Variants in SEM1 observed in about 807,000 individuals in gnomAD.
SEM1 encodes the protein 26S proteasome complex subunit SEM1.
A neutral mutation model predicts 12.7 loss-of-function variants in SEM1; 3 were observed. The observed-to-expected ratio is 0.24, with a 90% CI of 0.11 to 0.61. SEM1 has a LOEUF of 0.61. Ranked by LOEUF, SEM1 falls within the 20% of genes least tolerant of loss-of-function variation. SEM1 has a pLI of 0.88. For synonymous variants in SEM1, 30 were observed against 27.8 expected (o/e 1.08, Z -0.25); for missense variants, 59 against 81.3 (o/e 0.73, Z 1.06).
intron 2 of SEM1, among the ~76,000 whole-genome samples, chr7:96,599,454 C>T (rs1279752344): frequency 6.6e-6 from 1 of 152,190 alleles, no homozygotes; most frequent in Non-Finnish European, 1.5e-5. Context: ...TGTCCATCTG[C>T]TTATCGGCTA....
chr7:96,625,948 A>G (rs1004771056), intron 2 of SEM1, among the ~76,000 whole-genome samples: 1 of 152,174 alleles, frequency 6.6e-6, no homozygotes, highest in East Asian at 1.9e-4. Context: ...TAGGCATAAA[A>G]TGTGTAATAA....
intron 3 of SEM1, among the ~76,000 whole-genome samples, chr7:96,501,655 C>T (rs1208071524): frequency 2.6e-5 from 4 of 152,108 alleles, no homozygotes; most frequent in African/African-American, 7.2e-5. Context: ...TACATAATAG[C>T]TCAGTAAACA....
chr7:96,525,577 T>C (rs1209303662), intron 2 of SEM1, among the ~76,000 whole-genome samples: 1 of 152,140 alleles, frequency 6.6e-6, no homozygotes, highest in Non-Finnish European at 1.5e-5. Context: ...TGATGGCCTC[T>C]TCTCACCTCT....
At chr7:96,671,134 T>A (rs763184036), downstream of SEM1, among the ~76,000 whole-genome samples, 78 of 152,308 alleles carry the variant, frequency 5.1e-4, no homozygotes, top group Non-Finnish European at 1.0e-3. Context: ...GAACACAATG[T>A]CCACAGCTAT....
intron 2 of SEM1, among the ~76,000 whole-genome samples, chr7:96,576,384 A>G (rs915638183): frequency 1.3e-5 from 2 of 152,054 alleles, no homozygotes. Flanking sequence ...TTTATGTTTT[A>G]TTACATTGTC....
chr7:96,673,820 C>G (rs1049120001), exon 3 of SEM1: 3 of 765,190 alleles, frequency 3.9e-6, no homozygotes, highest in Middle Eastern at 2.3e-4. Context: ...AGCAGCCATA[C>G]GGGGTTTCAC....
intron 2 of SEM1, among the ~76,000 whole-genome samples, chr7:96,593,199 T>C (rs1397525883): frequency 1.3e-5 from 2 of 152,130 alleles, no homozygotes; most frequent in African/African-American, 4.8e-5. Flanking sequence ...AGTAAGGTTA[T>C]GTAAAAGAGT....
At chr7:96,620,159 G>A (rs888386113), downstream of SEM1, among the ~76,000 whole-genome samples, 5 of 151,988 alleles carry the variant, frequency 3.3e-5, no homozygotes, top group African/African-American at 1.2e-4. Context: ...CATTAGACTC[G>A]AAATGGTGCT....
intron 1 of SEM1, chr7:96,697,367 CAT>C (rs1403275908): frequency 6.6e-6 from 1 of 152,048 alleles, no homozygotes; most frequent in Non-Finnish European, 1.5e-5. Context: ...AGATCTAAGA[CAT>C]ACTTCACCTA....
At chr7:96,509,153 A>ATTTTTTTTTTTTTTTTTTT (rs71127457) in intron 2 of SEM1, among the ~76,000 whole-genome samples, 1 of 120,852 alleles carries the variant, frequency 8.3e-6, no homozygotes, top group African/African-American at 3.1e-5. Flanking sequence ...CGTCCAGCTA[A>ATTTTTTTTTTTTTTTTTTT]TTTTTTTTTT....
At position 96,615,746 on chromosome 7, in the gene SEM1, C is replaced by T. The variant is rs185156059; in HGVS notation, c.170+79052G>A. On this transcript the variant is annotated intron_variant and NMD_transcript_variant, in intron 2 of 3. Transcript: ENST00000466986. ...AATTTTTCAATCCTCAACTCGCTCCCACCTTCCCACCTTTTGTAGTCTCCA... is the reference window on the plus strand; with the variant it reads ...AATTTTTCAATCCTCAACTCGCTCCTACCTTCCCACCTTTTGTAGTCTCCA... Among the ~76,000 whole-genome samples, 31 of 152,282 alleles carry T rather than the reference C, an allele frequency of 2.0e-4. No individual in the cohort carries two copies. The East Asian group carries it at 2.3e-3, about 11-fold the overall frequency.
intron 1 of SEM1, among the ~76,000 whole-genome samples, chr7:96,491,696 A>G (rs1803015792): frequency 6.6e-6 from 1 of 152,176 alleles, no homozygotes; most frequent in African/African-American, 2.4e-5. Context: ...AGCGAGGCAT[A>G]TCTTTGCTCT....
intron 2 of SEM1, among the ~76,000 whole-genome samples, chr7:96,582,924 C>T (rs544025104): frequency 0.013 from 1,957 of 152,238 alleles, 30 homozygotes; most frequent in African/African-American, 0.045. Context: ...AAAAAACCAG[C>T]TCCTGGATTC....
At chr7:96,617,650 T>C (rs917829844), downstream of SEM1, among the ~76,000 whole-genome samples, 8 of 152,184 alleles carry the variant, frequency 5.3e-5, no homozygotes, top group African/African-American at 1.9e-4. Flanking sequence ...CTTTTTACCA[T>C]TGAGTATGAT....
At chr7:96,552,338 C>T (rs1422047151) in intron 2 of SEM1, among the ~76,000 whole-genome samples, 1 of 152,160 alleles carries the variant, frequency 6.6e-6, no homozygotes, top group African/African-American at 2.4e-5. Flanking sequence ...CTATCCCTCC[C>T]CCTCCCACCA....
chr7:96,596,696 G>A (rs1433082951), intron 2 of SEM1, among the ~76,000 whole-genome samples: 1 of 152,144 alleles, frequency 6.6e-6, no homozygotes, highest in Non-Finnish European at 1.5e-5. Context: ...AACACACTCA[G>A]AAGTCACGTG....
chr7:96,511,131 T>G (rs1803921668), intron 2 of SEM1, among the ~76,000 whole-genome samples: 1 of 152,042 alleles, frequency 6.6e-6, no homozygotes, highest in Admixed American at 6.6e-5. Context: ...TGAGATGAGA[T>G]GATATGAATA....
At chr7:96,669,714 C>T (rs1226905757), downstream of SEM1, among the ~76,000 whole-genome samples, 1 of 152,054 alleles carries the variant, frequency 6.6e-6, no homozygotes, top group Non-Finnish European at 1.5e-5. Context: ...TGATATCTGT[C>T]TATAATAAAA....
At chr7:96,659,930 A>C (rs1474846660) in intron 2 of SEM1, among the ~76,000 whole-genome samples, 2 of 150,200 alleles carry the variant, frequency 1.3e-5, no homozygotes, top group South Asian at 2.1e-4. Flanking sequence ...AAAAAAAAAA[A>C]CAAAAACAAG....
Sources: allele counts gnomAD v4.1 joint callset (sites outside exome capture counted in the v4.1 genomes callset), GRCh38; gene constraint gnomAD v4.1.1; transcripts MANE v1.5; gene names NCBI Gene and HGNC (gene_info 2026-07-23, HGNC 2026-07-21).